The following WASF3 variants were observed in gnomAD, a reference collection of about 807,000 sequenced individuals.
WASF3 encodes the protein WASP family member 3.
Under a neutral mutation model 46.6 loss-of-function variants are expected in WASF3, and 11 were observed. The observed-to-expected ratio is 0.24, with a 90% CI of 0.15 to 0.39. The LOEUF (loss-of-function observed/expected upper bound fraction) is 0.39, where lower values mean the gene tolerates loss of function less well. Ranked by LOEUF, WASF3 falls within the 10% of genes least tolerant of loss-of-function variation. The pLI is 1.00. For missense variants in WASF3, 576 were observed against 669.8 expected, an observed-to-expected ratio of 0.86 and a Z score of 1.55; for synonymous variants, 242 against 259.7, an observed-to-expected ratio of 0.93 and a Z score of 0.65.
intron 3 of WASF3, among the ~76,000 whole-genome samples, chr13:26,649,420 C>G (rs1260174340): frequency 6.6e-6 from 1 of 152,126 alleles, no homozygotes; most frequent in African/African-American, 2.4e-5. Context: ...AAGGGGCATC[C>G]AGTTTCTGAT....
In WASF3 at chr13:26,665,172, T is replaced by C; in HGVS notation, c.268+10T>C. 6.2e-7 allele frequency: 1 copy of C among 1,613,222 alleles called. No individual in the cohort carries two copies. The highest frequency in any genetic ancestry group is 8.5e-7 in the Non-Finnish European group (1 of 1,179,934). ...TCAACAGTGGAAGAGGGTAGGTAAT[T>C]GCCTGAAAGCAGTGAGCTAGAAGTG... On this transcript the variant is annotated intron_variant, in intron 4 of 9. Coordinates refer to ENST00000335327, the MANE Select transcript of WASF3 (RefSeq NM_006646.6).
intron 1 of WASF3, among the ~76,000 whole-genome samples, chr13:26,591,392 G>C (rs1213140370): frequency 6.6e-6 from 1 of 152,056 alleles, no homozygotes; most frequent in Admixed American, 6.6e-5. Flanking sequence ...GGGAGGCTTG[G>C]GTGAGGATGC....
chr13:26,657,851 T>C (rs1313486032), intron 3 of WASF3, among the ~76,000 whole-genome samples: 1 of 152,242 alleles, frequency 6.6e-6, no homozygotes, highest in Non-Finnish European at 1.5e-5. Flanking sequence ...TATAGCTCTT[T>C]CCATTTTTTT....
At chr13:26,614,659 G>A (rs778562260) in intron 2 of WASF3, among the ~76,000 whole-genome samples, 31 of 152,084 alleles carry the variant, frequency 2.0e-4, no homozygotes, top group Non-Finnish European at 1.2e-4. Flanking sequence ...ATATGAAAAG[G>A]GGAGATAGTT....
At chr13:26,623,807 A>G (rs924330165) in intron 2 of WASF3, among the ~76,000 whole-genome samples, 2 of 152,176 alleles carry the variant, frequency 1.3e-5, no homozygotes, top group African/African-American at 4.8e-5. Flanking sequence ...AATTTGTGTC[A>G]CCTTTGTGAC....
Position 26,681,063 on chromosome 13 carries a change from A to G in WASF3, c.726A>G (p.Ala242=), listed in dbSNP as rs770917382. The G allele has an allele frequency of 3.1e-6, 5 of 1,609,902 alleles. No individual in the cohort carries two copies. Among genetic ancestry groups the G allele is most frequent in the Non-Finnish European group, 4.2e-6 (5 of 1,176,978 alleles). The change falls in exon 8 of 10, where the codon GCA becomes GCG. Residue 242 remains alanine, a synonymous_variant. Transcript: ENST00000335327. ...TGTTTTCAAATGCCAGGTCACATGC[A>G]TCGGACGTTACGGATTACTCTTACC... ...GSLSPDTRSH[A]SDVTDYSYPA... is the part of the protein sequence containing the mutation.
intron 3 of WASF3, 35 bp downstream of exon 3, chr13:26,642,438 A>G: frequency 1.9e-6 from 3 of 1,553,664 alleles, no homozygotes; most frequent in Non-Finnish European, 2.6e-6. Context: ...CAATGACATT[A>G]ACTTTTTGTT....
intron 1 of WASF3, among the ~76,000 whole-genome samples, chr13:26,560,620 A>G (rs1369342513): frequency 1.3e-5 from 2 of 152,218 alleles, no homozygotes; most frequent in Admixed American, 6.5e-5. Context: ...AGGACAAGCA[A>G]TTACAGTGCA....
At chr13:26,541,138 C>T in the WASF3 span, among the ~76,000 whole-genome samples, 1 of 152,084 alleles carries the variant, frequency 6.6e-6, no homozygotes, top group East Asian at 1.9e-4. Context: ...TTTTTACAAA[C>T]ACACAATGTA....
At chr13:26,572,921 A>G (rs1169791529) in intron 1 of WASF3, among the ~76,000 whole-genome samples, 1 of 152,172 alleles carries the variant, frequency 6.6e-6, no homozygotes. Context: ...ATTAATATTC[A>G]TATGTGATAT....
intron 3 of WASF3, among the ~76,000 whole-genome samples, chr13:26,643,862 T>C (rs1386351361): frequency 6.6e-6 from 1 of 152,248 alleles, no homozygotes. Context: ...TATGCCTTGT[T>C]CTACATGGCC....
At chr13:26,646,554 TCCA>T (rs1315923509) in intron 3 of WASF3, among the ~76,000 whole-genome samples, 1 of 151,878 alleles carries the variant, frequency 6.6e-6, no homozygotes, top group Non-Finnish European at 1.5e-5. Context: ...CACCCTTACC[TCCA>T]CTCCCCACAG....
At chr13:26,570,160 C>T (rs914580450) in intron 1 of WASF3, among the ~76,000 whole-genome samples, 2 of 152,040 alleles carry the variant, frequency 1.3e-5, no homozygotes, top group Non-Finnish European at 2.9e-5. Flanking sequence ...TCGTGGCAGG[C>T]GCCTGTAATT....
chr13:26,606,116 G>A (rs746458192), intron 1 of WASF3, among the ~76,000 whole-genome samples: 10 of 152,100 alleles, frequency 6.6e-5, no homozygotes, highest in Non-Finnish European at 1.2e-4. Flanking sequence ...GCTAAATGAG[G>A]TAGACGGCTC....
chr13:26,585,500 T>G (rs1285821738), intron 1 of WASF3, among the ~76,000 whole-genome samples: 1 of 152,202 alleles, frequency 6.6e-6, no homozygotes, highest in Non-Finnish European at 1.5e-5. Context: ...GAAGTATAAT[T>G]CTGTGTTACT....
intron 1 of WASF3, among the ~76,000 whole-genome samples, chr13:26,597,771 C>G (rs1221418241): frequency 2.0e-5 from 3 of 152,128 alleles, no homozygotes; most frequent in African/African-American, 7.2e-5. Context: ...CAGCTTCATC[C>G]ATGTCCCTAC....
intron 1 of WASF3, among the ~76,000 whole-genome samples, chr13:26,611,659 A>G (rs1273197175): frequency 1.3e-5 from 2 of 152,304 alleles, no homozygotes; most frequent in East Asian, 3.9e-4. Context: ...CTGTATTTGG[A>G]AATAAGGTGA....
At chr13:26,615,170 C>CTG (rs1881092827) in intron 2 of WASF3, among the ~76,000 whole-genome samples, 1 of 151,864 alleles carries the variant, frequency 6.6e-6, no homozygotes, top group Non-Finnish European at 1.5e-5. Flanking sequence ...ATATTTAGTC[C>CTG]TGTGTGTGGC....
intron 3 of WASF3, among the ~76,000 whole-genome samples, chr13:26,648,474 G>A (rs560860724): frequency 4.6e-5 from 7 of 152,242 alleles, no homozygotes; most frequent in African/African-American, 1.7e-4. Context: ...GTTCTACTCA[G>A]GATAAAGATT....
Sources: allele counts gnomAD v4.1 joint callset (sites outside exome capture counted in the v4.1 genomes callset), GRCh38; gene constraint gnomAD v4.1.1; transcripts MANE v1.5; gene names NCBI Gene and HGNC (gene_info 2026-07-23, HGNC 2026-07-21).